The following KAT6B variants were observed in gnomAD, a reference collection of about 807,000 sequenced individuals.
The protein encoded by KAT6B is histone acetyltransferase KAT6B.
KAT6B carries 10 observed loss-of-function variants against 187.5 expected under a neutral mutation model. The ratio of observed to expected loss-of-function variants is 0.05; its 90% CI spans 0.03 to 0.09. The LOEUF (loss-of-function observed/expected upper bound fraction) is 0.09. Among genes scored for constraint, KAT6B ranks in the 10% least tolerant of loss-of-function variants. KAT6B has a pLI of 1.00. For missense variants in KAT6B, 1,952 were observed against 2,558.9 expected (o/e 0.76, Z 5.12); for synonymous variants, 861 against 926.8 (o/e 0.93, Z 1.29).
At position 74,842,695 on chromosome 10, in the gene KAT6B, T is replaced by C; in HGVS notation, c.-163T>C. 1 of 777,806 alleles carries C rather than the reference T, an allele frequency of 1.3e-6. No homozygotes were observed. The highest frequency in any genetic ancestry group is 2.1e-6 in the Non-Finnish European group (1 of 469,028). The allele number at this position is 777,806 out of a possible 1,614,324, so 48.2% of individuals were successfully genotyped here. On this transcript the variant is annotated 5_prime_UTR_variant, in exon 3 of 18. Coordinates refer to ENST00000287239, the MANE Select transcript of KAT6B (RefSeq NM_012330.4). ...ATCAACATTGCCTGTTTGTCTGCTTTTGAATCTCTTAAGGATGGATGTTTG... is the reference window on the plus strand; with the variant it reads ...ATCAACATTGCCTGTTTGTCTGCTTCTGAATCTCTTAAGGATGGATGTTTG...
chr10:74,975,705 AG>A lies in KAT6B; in HGVS notation c.1369del (p.Asp457ThrfsTer31). On this transcript the variant is annotated frameshift_variant, in exon 8 of 18. Coordinates refer to ENST00000287239, the MANE Select transcript of KAT6B (RefSeq NM_012330.4). LOFTEE classifies it high-confidence loss of function. Reference sequence around the variant, plus strand: ...GTCGCAGATCACGAGGTGAAATTATAGACTTTTCAAAGCACTATCGTCCAAG... The same window carrying A: ...GTCGCAGATCACGAGGTGAAATTATAACTTTTCAAAGCACTATCGTCCAAG... ...DGRRSRGEIIDFSKHYRPRKK... is the reference protein window; with the variant it reads ...DGRRSRGEIIXFSKHYRPRKK... 6.2e-7 allele frequency: 1 copy of A among 1,614,228 alleles called. No homozygotes were observed. Among genetic ancestry groups the A allele is most frequent in the Non-Finnish European group, 8.5e-7 (1 of 1,180,048 alleles).
chr10:74,938,631 A>G (rs1849434719), intron 3 of KAT6B, among the ~76,000 whole-genome samples: 1 of 152,192 alleles, frequency 6.6e-6, no homozygotes, highest in South Asian at 2.1e-4. Context: ...CTGAAATTTT[A>G]TGGGCTGGTA....
At chr10:74,832,650 C>T (rs1377651089) in intron 1 of KAT6B, among the ~76,000 whole-genome samples, 1 of 151,676 alleles carries the variant, frequency 6.6e-6, no homozygotes, top group Non-Finnish European at 1.5e-5. Flanking sequence ...TACAGGCATG[C>T]GCCACCACGC....
At chr10:74,931,797 G>T (rs1320113896) in intron 3 of KAT6B, among the ~76,000 whole-genome samples, 1 of 152,170 alleles carries the variant, frequency 6.6e-6, no homozygotes, top group African/African-American at 2.4e-5. Flanking sequence ...TGCAACCTCC[G>T]CCTCCTGGGT....
At chr10:74,849,139 A>G (rs908984151) in intron 3 of KAT6B, among the ~76,000 whole-genome samples, 2 of 151,642 alleles carry the variant, frequency 1.3e-5, no homozygotes, top group African/African-American at 4.8e-5. Context: ...GTGCCACCAC[A>G]CTGGGCTAAT....
At chr10:74,910,220 C>A (rs1011892696) in intron 3 of KAT6B, among the ~76,000 whole-genome samples, 7 of 152,072 alleles carry the variant, frequency 4.6e-5, no homozygotes, top group African/African-American at 1.7e-4. Flanking sequence ...GTCGCTTGAA[C>A]CCAGGAGGCG....
chr10:74,893,279 C>T (rs945084570), intron 3 of KAT6B, among the ~76,000 whole-genome samples: 1 of 152,222 alleles, frequency 6.6e-6, no homozygotes, highest in South Asian at 2.1e-4. Flanking sequence ...TTTCCTCACA[C>T]TTGCCGCCTT....
Position 74,981,750 on chromosome 10 carries a change from C to A in KAT6B, c.2232-37C>A, listed in dbSNP as rs749112480. On this transcript the variant is annotated intron_variant, in intron 10 of 17. Transcript: ENST00000287239. ...TTAATCTTCCCCCCAACAGTATAAT[C>A]TATCTGATAGATTCTATGATTTTTA... 3.3e-5 allele frequency: 45 copies of A among 1,377,578 alleles called. No homozygotes were observed. In the Middle Eastern group the frequency reaches 1.2e-3, roughly 37 times the overall value. 85.3% of individuals were successfully genotyped at this position (1,377,578 alleles called of 1,614,324 possible).
intron 4 of KAT6B, among the ~76,000 whole-genome samples, chr10:74,969,399 G>T (rs974219728): frequency 6.6e-6 from 1 of 152,108 alleles, no homozygotes; most frequent in Admixed American, 6.5e-5. Flanking sequence ...GTTCTCAAAG[G>T]CTTCAGATTG....
At chr10:74,910,158 C>A (rs1471701783) in intron 3 of KAT6B, among the ~76,000 whole-genome samples, 2 of 150,496 alleles carry the variant, frequency 1.3e-5, no homozygotes, top group African/African-American at 4.9e-5. Flanking sequence ...ATTAGCCAGG[C>A]GTGGTGGCGC....
At chr10:74,851,610 C>T (rs1044695751) in intron 3 of KAT6B, among the ~76,000 whole-genome samples, 3 of 152,168 alleles carry the variant, frequency 2.0e-5, no homozygotes, top group African/African-American at 7.2e-5. Flanking sequence ...GGATTACAGG[C>T]ATGAGCCACT....
rs149735936 is a variant in KAT6B, at chr10:74,877,020, G to T, written c.621+33542G>T. On this transcript the variant is annotated intron_variant, in intron 3 of 17. Coordinates refer to ENST00000287239, the MANE Select transcript of KAT6B (RefSeq NM_012330.4). ...CTCGCTCTGTTGCTCAGGCTGGAGC[G>T]CAATGGTGCAATCTCGGCTCACTGC... is the stretch of plus-strand genomic sequence containing the variant. 5.9e-5 allele frequency among the ~76,000 whole-genome samples: 9 copies of T among 151,988 alleles called. No homozygotes were observed. In the East Asian group the frequency reaches 1.4e-3, roughly 23 times the overall value.
At chr10:74,913,148 G>A (rs1847372308) in intron 3 of KAT6B, among the ~76,000 whole-genome samples, 1 of 152,176 alleles carries the variant, frequency 6.6e-6, no homozygotes, top group Admixed American at 6.5e-5. Flanking sequence ...TGTATGACAG[G>A]TAAGTCTACA....
At chr10:74,925,897 G>A (rs1041683199) in intron 3 of KAT6B, among the ~76,000 whole-genome samples, 7 of 152,046 alleles carry the variant, frequency 4.6e-5, no homozygotes, top group African/African-American at 9.7e-5. Flanking sequence ...CAGAGCAGTC[G>A]GCAGAACAGA....
At chr10:74,919,187 C>T (rs1847927761) in intron 3 of KAT6B, among the ~76,000 whole-genome samples, 1 of 152,094 alleles carries the variant, frequency 6.6e-6, no homozygotes, top group African/African-American at 2.4e-5. Flanking sequence ...CGCACCACTT[C>T]ACTCCAGCCT....
chr10:75,025,352 T>A, intron 17 of KAT6B, 103 bp downstream of exon 17: 1 of 1,135,180 alleles, frequency 8.8e-7, no homozygotes, highest in Non-Finnish European at 1.3e-6. Flanking sequence ...ACCTGCGAAG[T>A]GGTGCTGATG....
At chr10:74,901,663 A>G (rs184748441) in intron 3 of KAT6B, among the ~76,000 whole-genome samples, 26 of 152,102 alleles carry the variant, frequency 1.7e-4, no homozygotes, top group African/African-American at 4.6e-4. Flanking sequence ...CTTGGTGGAG[A>G]TAGTGTCGCT....
intron 3 of KAT6B, among the ~76,000 whole-genome samples, chr10:74,879,628 G>A (rs1372838960): frequency 1.3e-5 from 2 of 152,164 alleles, no homozygotes; most frequent in Non-Finnish European, 2.9e-5. Context: ...ATTCTGTAGT[G>A]CTAATGCCAT....
chr10:74,866,094 T>C (rs1339830347), intron 3 of KAT6B, among the ~76,000 whole-genome samples: 4 of 152,154 alleles, frequency 2.6e-5, no homozygotes, highest in Non-Finnish European at 5.9e-5. Context: ...TCTGAGGTCT[T>C]GGAACTGATC....
Sources: allele counts gnomAD v4.1 joint callset (sites outside exome capture counted in the v4.1 genomes callset), GRCh38; gene constraint gnomAD v4.1.1; transcripts MANE v1.5; gene names NCBI Gene and HGNC (gene_info 2026-07-23, HGNC 2026-07-21).